Variants in ADAMTS18 observed in about 807,000 individuals in gnomAD.
ADAMTS18 encodes the protein ADAM metallopeptidase with thrombospondin type 1 motif 18.
A neutral mutation model predicts 165.9 loss-of-function variants in ADAMTS18; 157 were observed. That is an observed-to-expected ratio of 0.95 (90% CI 0.83 to 1.08). The LOEUF (loss-of-function observed/expected upper bound fraction) is 1.08, where lower values mean the gene tolerates loss of function less well. ADAMTS18 is among the 50% of genes least tolerant of loss of function. The pLI, the probability that ADAMTS18 is intolerant of heterozygous loss-of-function variation, is 0.00. For synonymous variants in ADAMTS18, 782 were observed against 578.2 expected (o/e 1.35, Z -5.06); for missense variants, 2,040 against 1,534.0 (o/e 1.33, Z -5.51).
chr16:77,296,459 A>G (rs1223904277), intron 18 of ADAMTS18, among the ~76,000 whole-genome samples: 1 of 152,222 alleles, frequency 6.6e-6, no homozygotes, highest in East Asian at 1.9e-4. Context: ...TTAGGCACAC[A>G]ACCGCACGCA....
At chr16:77,409,708 A>G (rs1171025319) in intron 3 of ADAMTS18, among the ~76,000 whole-genome samples, 1 of 152,150 alleles carries the variant, frequency 6.6e-6, no homozygotes, top group Non-Finnish European at 1.5e-5. Flanking sequence ...CTTGAATCTC[A>G]GCTCAGCTAA....
chr16:77,376,716 GT>G (rs1223765051), intron 3 of ADAMTS18, among the ~76,000 whole-genome samples: 2 of 150,778 alleles, frequency 1.3e-5, no homozygotes, highest in Non-Finnish European at 3.0e-5. Context: ...TATTTAAATA[GT>G]TTAATGTTTT....
intron 10 of ADAMTS18, among the ~76,000 whole-genome samples, chr16:77,343,708 G>T (rs2144692350): frequency 6.6e-6 from 1 of 152,234 alleles, no homozygotes; most frequent in South Asian, 2.1e-4. Context: ...AATTCTCCAG[G>T]CCTCAGTTTT....
chr16:77,354,651 T>C (rs992476235), intron 9 of ADAMTS18, among the ~76,000 whole-genome samples: 3 of 152,124 alleles, frequency 2.0e-5, no homozygotes, highest in Non-Finnish European at 4.4e-5. Flanking sequence ...GACCAAGTTA[T>C]GTAGCTCTTA....
intron 17 of ADAMTS18, 132 bp from the exon 18 acceptor site, chr16:77,297,547 G>T: frequency 3.3e-6 from 3 of 896,236 alleles, no homozygotes; most frequent in Non-Finnish European, 5.2e-6. Flanking sequence ...TTTGTGGAAC[G>T]CTTCCTTTTG....
intron 3 of ADAMTS18, among the ~76,000 whole-genome samples, chr16:77,381,375 T>C (rs928712919): frequency 3.9e-5 from 6 of 152,160 alleles, no homozygotes; most frequent in Non-Finnish European, 8.8e-5. Flanking sequence ...TGGGCTGGCA[T>C]AATGGCAGAA....
In ADAMTS18 at chr16:77,343,420, A is replaced by G. The variant is rs1255354948; in HGVS notation, c.1615-1621T>C. ...TCTACTTCCAGAACTATAAGATAATAAATGTGTGTTGCCTTAAGTCACACT... is the reference window on the plus strand; with the variant it reads ...TCTACTTCCAGAACTATAAGATAATGAATGTGTGTTGCCTTAAGTCACACT... On this transcript the variant is annotated intron_variant, in intron 10 of 22. Coordinates refer to ENST00000282849, the MANE Select transcript of ADAMTS18 (RefSeq NM_199355.4). Among the ~76,000 whole-genome samples, 3 of 152,228 alleles carry G rather than the reference A, an allele frequency of 2.0e-5. No homozygotes were observed. The East Asian group carries it at 5.8e-4, about 29-fold the overall frequency.
At chr16:77,303,857 A>G (rs1306378318) in intron 16 of ADAMTS18, among the ~76,000 whole-genome samples, 1 of 152,148 alleles carries the variant, frequency 6.6e-6, no homozygotes, top group South Asian at 2.1e-4. Context: ...GTGAAACCCC[A>G]TCTCTACTAA....
Position 77,363,663 on chromosome 16 carries a change from G to T in ADAMTS18, c.1056+139C>A, listed in dbSNP as rs141604988. On this transcript the variant is annotated intron_variant, in intron 6 of 22. Coordinates refer to ENST00000282849, the MANE Select transcript of ADAMTS18 (RefSeq NM_199355.4). ...TGTGATTACACAATCTTTTAAAATTGTACTTTGAGGAGAGTCAGCCTAGTT... is the reference window on the plus strand; with the variant it reads ...TGTGATTACACAATCTTTTAAAATTTTACTTTGAGGAGAGTCAGCCTAGTT... 3.2e-4 allele frequency: 213 copies of T among 661,726 alleles called. 1 individual carries two copies. In the African/African-American group the frequency reaches 3.4e-3, roughly 11 times the overall value. The allele number at this position is 661,726 out of a possible 1,614,324, so 41.0% of individuals were successfully genotyped here.
At chr16:77,407,529 C>T (rs1208211044) in intron 3 of ADAMTS18, among the ~76,000 whole-genome samples, 2 of 152,014 alleles carry the variant, frequency 1.3e-5, no homozygotes, top group African/African-American at 4.8e-5. Flanking sequence ...GACTTATACT[C>T]CTAAATACGT....
At chr16:77,341,106 T>C (rs1394061452) in intron 11 of ADAMTS18, among the ~76,000 whole-genome samples, 1 of 152,140 alleles carries the variant, frequency 6.6e-6, no homozygotes, top group East Asian at 1.9e-4. Context: ...AAAATAGAAA[T>C]ATATGAGAGT....
chr16:77,334,031 A>ATATATGCTATATATAATATACAGTGCT (rs1440124121), intron 12 of ADAMTS18, among the ~76,000 whole-genome samples: 7 of 94,602 alleles, frequency 7.4e-5, no homozygotes, highest in African/African-American at 2.7e-4. Context: ...TATACAGTGC[A>ATATATGCTATATATAATATACAGTGCT]ATATATGCTA....
At chr16:77,400,643 G>A (rs555917752) in intron 3 of ADAMTS18, among the ~76,000 whole-genome samples, 15 of 151,704 alleles carry the variant, frequency 9.9e-5, no homozygotes, top group Non-Finnish European at 1.8e-4. Flanking sequence ...CACCGCACCC[G>A]GCTAATTTTT....
At chr16:77,344,743 C>CA (rs34250947) in intron 10 of ADAMTS18, among the ~76,000 whole-genome samples, 314 of 145,052 alleles carry the variant, frequency 2.2e-3, no homozygotes, top group Middle Eastern at 3.6e-3. Context: ...CAAAGCAAAA[C>CA]AAAAAAAAAA....
chr16:77,335,623 A>G (rs752731413), intron 12 of ADAMTS18, 133 bp downstream of exon 12: 313 of 1,116,114 alleles, frequency 2.8e-4, no homozygotes, highest in Middle Eastern at 2.2e-4. Context: ...TACCCCATAA[A>G]TATGTATAAC....
chr16:77,424,306 T>A (rs1567557387), intron 3 of ADAMTS18, among the ~76,000 whole-genome samples: 3 of 152,030 alleles, frequency 2.0e-5, no homozygotes, highest in African/African-American at 7.2e-5. Context: ...CCATTTCAAC[T>A]AAAAATACAA....
chr16:77,291,578 G>A (rs747390782), intron 20 of ADAMTS18, 100 bp from the exon 21 acceptor site: 73 of 1,168,718 alleles, frequency 6.2e-5, no homozygotes, highest in Non-Finnish European at 8.5e-5. Flanking sequence ...ACATGAAATA[G>A]GAGGGATGGG....
intron 4 of ADAMTS18, among the ~76,000 whole-genome samples, chr16:77,366,612 A>C (rs960841686): frequency 1.2e-4 from 18 of 152,226 alleles, no homozygotes; most frequent in Non-Finnish European, 4.4e-5. Context: ...AAATGTTTTA[A>C]ATGTTTTAAG....
intron 6 of ADAMTS18, 107 bp from the exon 7 acceptor site, chr16:77,362,371 G>A: frequency 7.8e-7 from 1 of 1,289,080 alleles, no homozygotes; most frequent in South Asian, 1.2e-5. Context: ...TAGGGAAAAA[G>A]ATCAGTAAAC....
Sources: gnomAD v4.1 joint callset for allele counts (sites outside exome capture counted in the v4.1 genomes callset) on GRCh38, gnomAD v4.1.1 for gene constraint, MANE v1.5 for transcripts, NCBI Gene and HGNC (gene_info 2026-07-23, HGNC 2026-07-21) for gene names.